ATCAY: variants seen among roughly 807,000 people sequenced by gnomAD.
ATCAY encodes the protein caytaxin.
In ATCAY, 22 loss-of-function variants were observed where a neutral mutation model predicts 47.7. The observed-to-expected ratio is 0.46, with a 90% CI of 0.33 to 0.66. The LOEUF (loss-of-function observed/expected upper bound fraction) is 0.66, where lower values mean the gene tolerates loss of function less well. Among genes scored for constraint, ATCAY ranks in the 30% least tolerant of loss-of-function variants. The pLI is 0.02. For synonymous variants in ATCAY, 216 were observed against 207.6 expected (o/e 1.04, Z -0.35); for missense variants, 452 against 515.0 (o/e 0.88, Z 1.18).
intron 8 of ATCAY, among the ~76,000 whole-genome samples, chr19:3,913,307 A>C (rs1321808846): frequency 2.0e-5 from 3 of 152,160 alleles, no homozygotes; most frequent in Non-Finnish European, 1.5e-5. Context: ...AATAACAGAG[A>C]ATCAATGGGC....
chr19:3,926,958 C>A lies in ATCAY; in HGVS notation c.*2366C>A, dbSNP rs866929136. The stretch of plus-strand genomic sequence containing the variant: ...AAAAGTGGCTGGGTACGGTGGCTCA[C>A]GCCTATAATCCCAGCACTTTGGGAG... On this transcript the variant is annotated 3_prime_UTR_variant, in exon 13 of 13. Coordinates refer to ENST00000450849, the MANE Select transcript of ATCAY (RefSeq NM_033064.5). 1 of 152,204 alleles carries A rather than the reference C, an allele frequency of 6.6e-6. No individual in the cohort carries two copies. Among genetic ancestry groups the A allele is most frequent in the African/African-American group, 2.4e-5 (1 of 41,450 alleles). 9.4% of individuals were successfully genotyped at this position (152,204 alleles called of 1,614,324 possible).
At position 3,885,852 on chromosome 19, in the gene ATCAY, T is replaced by C; in HGVS notation, c.77+8T>C. The stretch of plus-strand genomic sequence containing the variant: ...GGACGAAGATCTTCCCAGGTAGGAC[T>C]TCCACATCCCTGAGTCAACCGTTGG... On this transcript the variant is annotated splice_region_variant and intron_variant, in intron 2 of 12. Coordinates refer to ENST00000450849, the MANE Select transcript of ATCAY (RefSeq NM_033064.5). The C allele has an allele frequency of 6.4e-7, 1 of 1,551,550 alleles. No homozygotes were observed. The highest frequency in any genetic ancestry group is 1.2e-5 in the South Asian group (1 of 84,042).
At chr19:3,908,474 C>T (rs531525584) in intron 6 of ATCAY, 104 bp downstream of exon 6, 20 of 1,102,040 alleles carry the variant, frequency 1.8e-5, no homozygotes, top group Non-Finnish European at 2.7e-5. Context: ...AGGAAGCCTG[C>T]CTGGCACCAG....
intron 8 of ATCAY, among the ~76,000 whole-genome samples, chr19:3,912,275 C>G (rs1266211155): frequency 6.6e-6 from 1 of 152,064 alleles, no homozygotes; most frequent in Non-Finnish European, 1.5e-5. Flanking sequence ...GAGTTCGAGA[C>G]CAGCCTGGGT....
chr19:3,915,065 C>T (rs773857900), intron 9 of ATCAY, among the ~76,000 whole-genome samples: 14 of 152,164 alleles, frequency 9.2e-5, no homozygotes, highest in Non-Finnish European at 1.8e-4. Flanking sequence ...ATCGGCACCT[C>T]CCCTAGGTTC....
chr19:3,909,650 G>A, intron 7 of ATCAY, 33 bp downstream of exon 7: 1 of 1,553,898 alleles, frequency 6.4e-7, no homozygotes, highest in East Asian at 2.4e-5. Context: ...AGCACAGTGG[G>A]GGCATGAAAA....
chr19:3,892,164 A>G (rs1291159340), intron 2 of ATCAY, among the ~76,000 whole-genome samples: 1 of 151,848 alleles, frequency 6.6e-6, no homozygotes, highest in East Asian at 1.9e-4. Context: ...TGCTGGGATT[A>G]CAGGCGTGAG....
In ATCAY at chr19:3,905,652, G is replaced by C; in HGVS notation, c.355G>C (p.Glu119Gln). 1 of 1,613,182 alleles carries C rather than the reference G, an allele frequency of 6.2e-7. No individual in the cohort carries two copies. Among genetic ancestry groups the C allele is most frequent in the Non-Finnish European group, 8.5e-7 (1 of 1,179,652 alleles). The change falls in exon 4 of 13, where the codon GAA (glutamate) becomes CAA (glutamine). Residue 119 changes from glutamate (E) to glutamine (Q), a missense_variant. Coordinates refer to ENST00000450849, the MANE Select transcript of ATCAY (RefSeq NM_033064.5). ...GGGGAATGGCAACGAACTGGAGTGG[G>C]AAGGTAAAGTTCAGGGTCTCTCTGG... ...FLGNGNELEWEDDTPVATAKN... is the reference protein window; with the variant it reads ...FLGNGNELEWQDDTPVATAKN...
At chr19:3,884,369 A>G (rs2038628694) in intron 1 of ATCAY, among the ~76,000 whole-genome samples, 1 of 152,124 alleles carries the variant, frequency 6.6e-6, no homozygotes, top group Non-Finnish European at 1.5e-5. Context: ...CTCTTTCCAC[A>G]CTGCCTTAGT....
chr19:3,900,281 T>G (rs982880561), intron 2 of ATCAY, among the ~76,000 whole-genome samples: 3 of 151,228 alleles, frequency 2.0e-5, no homozygotes, highest in African/African-American at 7.3e-5. Flanking sequence ...AGCCTCCGCC[T>G]CCCAGGCTCA....
At chr19:3,891,295 G>A (rs377301874) in intron 2 of ATCAY, among the ~76,000 whole-genome samples, 271 of 151,948 alleles carry the variant, frequency 1.8e-3, no homozygotes, top group African/African-American at 6.0e-3. Context: ...CAAGTGATTC[G>A]CCTGCCTCGG....
chr19:3,885,949 G>C, intron 2 of ATCAY, 105 bp downstream of exon 2: 1 of 1,174,662 alleles, frequency 8.5e-7, no homozygotes, highest in Non-Finnish European at 1.2e-6. Flanking sequence ...ACCGCCCGGG[G>C]CTGGCCTGGT....
At position 3,918,864 on chromosome 19, in the gene ATCAY, C is replaced by T. The variant is rs756401076; in HGVS notation, c.1060C>T (p.Pro354Ser). The change falls in exon 11 of 13, where the codon CCA (proline) becomes TCA (serine). Residue 354 changes from proline to serine, a missense_variant. Coordinates refer to ENST00000450849, the MANE Select transcript of ATCAY (RefSeq NM_033064.5). Reference protein sequence around the residue: ...PRSEEKPEVAPVENRSALVSE... With the variant: ...PRSEEKPEVASVENRSALVSE... ...GTCTGAAGAGAAGCCAGAGGTGGCA[C>T]CAGTGGAAAACAGGTAGGTGTGCAG... The T allele has an allele frequency of 5.6e-6, 9 of 1,613,846 alleles. No individual in the cohort carries two copies. The highest frequency in any genetic ancestry group is 7.6e-6 in the Non-Finnish European group (9 of 1,179,888).
At chr19:3,882,193 T>C (rs2145215652) in intron 1 of ATCAY, among the ~76,000 whole-genome samples, 1 of 152,238 alleles carries the variant, frequency 6.6e-6, no homozygotes, top group Non-Finnish European at 1.5e-5. Context: ...AGATGCTTCA[T>C]GTATTTGGTT....
chr19:3,909,097 C>T (rs2038898736), intron 6 of ATCAY, among the ~76,000 whole-genome samples: 1 of 119,750 alleles, frequency 8.4e-6, no homozygotes, highest in South Asian at 3.4e-4. Context: ...TTTAGCTGGG[C>T]TCGGTGGCAG....
intron 2 of ATCAY, among the ~76,000 whole-genome samples, chr19:3,894,625 CAAAAAA>C (rs56732320): frequency 1.3e-5 from 1 of 75,158 alleles, no homozygotes; most frequent in African/African-American, 4.9e-5. Context: ...CCTGTGTCTG[CAAAAAA>C]AAAAAAAAAA....
intron 2 of ATCAY, among the ~76,000 whole-genome samples, chr19:3,893,372 G>T (rs1348022390): frequency 2.0e-5 from 3 of 151,972 alleles, no homozygotes; most frequent in Non-Finnish European, 2.9e-5. Flanking sequence ...TAGAGACGGG[G>T]TTTCACCATG....
chr19:3,911,396 T>A (rs900138260), intron 8 of ATCAY, among the ~76,000 whole-genome samples: 2 of 151,698 alleles, frequency 1.3e-5, no homozygotes, highest in African/African-American at 4.8e-5. Flanking sequence ...TGGCATCACA[T>A]GCCTGTAGTC....
chr19:3,887,752 C>T (rs552722791), intron 2 of ATCAY, among the ~76,000 whole-genome samples: 4 of 148,260 alleles, frequency 2.7e-5, no homozygotes, highest in African/African-American at 9.9e-5. Context: ...TCCCAAAGTG[C>T]TGGGATTACA....
Sources: gnomAD v4.1 joint callset for allele counts (sites outside exome capture counted in the v4.1 genomes callset) on GRCh38, gnomAD v4.1.1 for gene constraint, MANE v1.5 for transcripts, NCBI Gene and HGNC (gene_info 2026-07-23, HGNC 2026-07-21) for gene names.